The following RASEF variants were observed in gnomAD, a reference collection of about 807,000 sequenced individuals.
RASEF encodes the protein ras and EF-hand domain-containing protein.
A neutral mutation model predicts 90.1 loss-of-function variants in RASEF; 68 were observed. The observed-to-expected ratio is 0.75, with a 90% CI of 0.62 to 0.92. RASEF has a LOEUF of 0.92. RASEF is among the 40% of genes least tolerant of loss of function. RASEF has a pLI of 0.00. For synonymous variants in RASEF, 331 were observed against 345.2 expected (o/e 0.96, Z 0.46); for missense variants, 949 against 937.2 (o/e 1.01, Z -0.16).
chr9:83,092,598 G>A, the RASEF span, among the ~76,000 whole-genome samples: 14 of 152,148 alleles, frequency 9.2e-5, no homozygotes, highest in African/African-American at 3.1e-4. Context: ...TAAAAGCAGT[G>A]TGGACCCAAA....
chr9:83,144,374 A>AGGAAG, the RASEF span, among the ~76,000 whole-genome samples: 485 of 58,274 alleles, frequency 8.3e-3, 16 homozygotes, highest in African/African-American at 0.035. Flanking sequence ...AAAGAAAGAA[A>AGGAAG]GAAAGAAAGA....
At chr9:83,021,138 A>G (rs1207397009) in intron 3 of RASEF, among the ~76,000 whole-genome samples, 1 of 152,210 alleles carries the variant, frequency 6.6e-6, no homozygotes, top group African/African-American at 2.4e-5. Context: ...GACAGTAACA[A>G]CCAGGGTGCA....
chr9:83,172,142 CT>C, the RASEF span, among the ~76,000 whole-genome samples: 1 of 151,378 alleles, frequency 6.6e-6, no homozygotes, highest in Non-Finnish European at 1.5e-5. Flanking sequence ...ATTTTTATTT[CT>C]TTTTTAATTT....
At chr9:83,012,886 A>G (rs545957077) in intron 4 of RASEF, among the ~76,000 whole-genome samples, 1 of 152,318 alleles carries the variant, frequency 6.6e-6, no homozygotes, top group South Asian at 2.1e-4. Flanking sequence ...CTGTATTACA[A>G]TTATTTAGAA....
At chr9:83,199,605 G>C in the RASEF span, among the ~76,000 whole-genome samples, 1 of 152,176 alleles carries the variant, frequency 6.6e-6, no homozygotes, top group Non-Finnish European at 1.5e-5. Context: ...CCAAATCAGT[G>C]GGTAAATGAG....
the RASEF span, among the ~76,000 whole-genome samples, chr9:83,120,262 A>G: frequency 2.2e-3 from 330 of 152,300 alleles, no homozygotes; most frequent in African/African-American, 7.6e-3. Flanking sequence ...TGATATTGAG[A>G]GTGCTGTTCC....
the RASEF span, among the ~76,000 whole-genome samples, chr9:83,193,575 T>C: frequency 6.6e-6 from 1 of 152,208 alleles, no homozygotes; most frequent in Non-Finnish European, 1.5e-5. Flanking sequence ...CAGTTCTTGG[T>C]ACACAACAGG....
At chr9:83,085,543 G>A in the RASEF span, among the ~76,000 whole-genome samples, 1 of 152,050 alleles carries the variant, frequency 6.6e-6, no homozygotes, top group Non-Finnish European at 1.5e-5. Flanking sequence ...GCTGAGATGG[G>A]AGGATCACTT....
At chr9:83,124,600 A>G in the RASEF span, among the ~76,000 whole-genome samples, 69 of 152,354 alleles carry the variant, frequency 4.5e-4, no homozygotes, top group African/African-American at 1.4e-3. Context: ...ATTCTGGCTC[A>G]GAGAGGAGCA....
At chr9:83,153,660 T>G in the RASEF span, among the ~76,000 whole-genome samples, 1 of 152,210 alleles carries the variant, frequency 6.6e-6, no homozygotes, top group Non-Finnish European at 1.5e-5. Context: ...CCAGTAGAGT[T>G]CTCATACCAG....
chr9:83,125,524 G>A, the RASEF span, among the ~76,000 whole-genome samples: 1 of 152,114 alleles, frequency 6.6e-6, no homozygotes, highest in African/African-American at 2.4e-5. Context: ...CTCACAATTT[G>A]CTAATTTTTT....
chr9:83,133,525 T>G, the RASEF span, among the ~76,000 whole-genome samples: 39 of 152,216 alleles, frequency 2.6e-4, no homozygotes, highest in Middle Eastern at 3.4e-3. Flanking sequence ...CGTCGAATGA[T>G]CTAACCTATG....
the RASEF span, among the ~76,000 whole-genome samples, chr9:83,218,804 A>T: frequency 1.3e-5 from 2 of 152,290 alleles, no homozygotes; most frequent in East Asian, 3.9e-4. Flanking sequence ...GAAAGGTGAG[A>T]CTGGACAGTC....
chr9:83,076,572 A>AT, the RASEF span, among the ~76,000 whole-genome samples: 1 of 125,776 alleles, frequency 8.0e-6, no homozygotes, highest in Non-Finnish European at 1.7e-5. Flanking sequence ...TCAGCTCTCA[A>AT]TGTTTTCCAG....
intron 4 of RASEF, among the ~76,000 whole-genome samples, chr9:83,014,707 G>A (rs573834846): frequency 7.2e-5 from 11 of 152,152 alleles, no homozygotes; most frequent in Non-Finnish European, 1.2e-4. Context: ...CAAGAAGTGT[G>A]TCTAGTACAG....
chr9:83,184,607 A>C, the RASEF span, among the ~76,000 whole-genome samples: 1 of 152,042 alleles, frequency 6.6e-6, no homozygotes, highest in Non-Finnish European at 1.5e-5. Context: ...TCTTCACTTC[A>C]AAGACAAGTT....
chr9:83,027,484 A>G (rs555695714), intron 1 of RASEF, among the ~76,000 whole-genome samples: 1 of 152,290 alleles, frequency 6.6e-6, no homozygotes, highest in African/African-American at 2.4e-5. Flanking sequence ...GGAGATTCCA[A>G]AGGTTTTAGG....
chr9:83,090,034 T>C, the RASEF span, among the ~76,000 whole-genome samples: 1 of 152,208 alleles, frequency 6.6e-6, no homozygotes, highest in Non-Finnish European at 1.5e-5. Flanking sequence ...TTTTTCTTCA[T>C]TCTTTTTTCT....
At chr9:83,191,784 A>C in the RASEF span, among the ~76,000 whole-genome samples, 4 of 152,226 alleles carry the variant, frequency 2.6e-5, no homozygotes, top group African/African-American at 4.8e-5. Context: ...GTTTACAGTG[A>C]CTTGAATGAA....
Sources: allele counts gnomAD v4.1 joint callset (sites outside exome capture counted in the v4.1 genomes callset), GRCh38; gene constraint gnomAD v4.1.1; transcripts MANE v1.5; gene names NCBI Gene and HGNC (gene_info 2026-07-23, HGNC 2026-07-21).